The following KCNIP4 variants were observed in gnomAD, a reference collection of about 807,000 sequenced individuals.
KCNIP4 encodes the protein potassium voltage-gated channel interacting protein 4.
KCNIP4 carries 12 observed loss-of-function variants against 34.0 expected under a neutral mutation model. The observed-to-expected ratio is 0.35, with a 90% CI of 0.23 to 0.57. KCNIP4 has a LOEUF of 0.57. KCNIP4 is among the 20% of genes least tolerant of loss of function. The probability of loss-of-function intolerance (pLI) is 0.83; values close to 1 mark genes in which losing one functional copy is unlikely to be tolerated. For missense variants in KCNIP4, 238 were observed against 311.7 expected, an observed-to-expected ratio of 0.76 and a Z score of 1.78; for synonymous variants, 124 against 102.2, an observed-to-expected ratio of 1.21 and a Z score of -1.29.
At chr4:20,736,554 CT>C (rs1041885186) in intron 5 of KCNIP4, among the ~76,000 whole-genome samples, 5 of 152,104 alleles carry the variant, frequency 3.3e-5, no homozygotes, top group African/African-American at 1.2e-4. Flanking sequence ...TTAATTTTAC[CT>C]TTTTTTCTAA....
At chr4:20,736,201 T>C (rs967059400) in intron 5 of KCNIP4, among the ~76,000 whole-genome samples, 4 of 152,214 alleles carry the variant, frequency 2.6e-5, no homozygotes, top group South Asian at 2.1e-4. Flanking sequence ...TACACAAGTA[T>C]AAGATATATT....
chr4:20,819,834 C>T (rs1015702865), intron 3 of KCNIP4, among the ~76,000 whole-genome samples: 7 of 152,230 alleles, frequency 4.6e-5, no homozygotes, highest in Middle Eastern at 3.4e-3. Flanking sequence ...TCCAAAGTGC[C>T]GCCTTGGAAG....
At chr4:21,389,908 A>C (rs1722401899) in intron 1 of KCNIP4, among the ~76,000 whole-genome samples, 1 of 151,864 alleles carries the variant, frequency 6.6e-6, no homozygotes, top group Non-Finnish European at 1.5e-5. Context: ...ACTAGTTTAC[A>C]GTCCCCCCAA....
At chr4:20,881,217 A>T (rs1220049616) in intron 2 of KCNIP4, among the ~76,000 whole-genome samples, 1 of 152,212 alleles carries the variant, frequency 6.6e-6, no homozygotes, top group Non-Finnish European at 1.5e-5. Context: ...ATTGAAACAA[A>T]TTGCTATTCT....
chr4:20,871,606 C>T (rs2149510758), intron 2 of KCNIP4, among the ~76,000 whole-genome samples: 1 of 152,202 alleles, frequency 6.6e-6, no homozygotes, highest in East Asian at 1.9e-4. Context: ...ACAGAGCTTC[C>T]TGTTCATGGT....
At chr4:21,939,060 A>T (rs1020055722) in intron 1 of KCNIP4, among the ~76,000 whole-genome samples, 3 of 152,194 alleles carry the variant, frequency 2.0e-5, no homozygotes, top group African/African-American at 4.8e-5. Context: ...AACAGTAGTT[A>T]TGGAAGGCCA....
intron 3 of KCNIP4, among the ~76,000 whole-genome samples, chr4:20,823,257 C>T (rs996203438): frequency 1.3e-5 from 2 of 152,100 alleles, no homozygotes; most frequent in Admixed American, 6.6e-5. Context: ...GACAGGGCAT[C>T]AGAGTGGAAT....
rs140405257 is a variant in KCNIP4, at chr4:21,754,899, C to T, written c.61+193672G>A. On this transcript the variant is annotated intron_variant, in intron 1 of 8. Transcript: ENST00000382152. ...ACAGTGGCTCATATCTGTAATCCAG[C>T]ATTTTTGGAGGCCGAGGTGGGCGGA... Among the ~76,000 whole-genome samples the T allele has an allele frequency of 8.5e-3, 1,298 of 152,216 alleles. 9 individuals are homozygous for T. The highest frequency in any genetic ancestry group is 0.014 in the Non-Finnish European group (958 of 68,002).
chr4:20,799,251 A>G (rs1017131378), intron 3 of KCNIP4, among the ~76,000 whole-genome samples: 2 of 152,152 alleles, frequency 1.3e-5, no homozygotes, highest in Non-Finnish European at 2.9e-5. Flanking sequence ...TCTGCACACC[A>G]GAGCTATCAA....
chr4:20,794,908 T>G (rs1171389690), intron 3 of KCNIP4, among the ~76,000 whole-genome samples: 1 of 152,202 alleles, frequency 6.6e-6, no homozygotes. Flanking sequence ...GAAAAAGGTG[T>G]TAACAATTCT....
chr4:21,491,186 T>C (rs1732362970), intron 1 of KCNIP4, among the ~76,000 whole-genome samples: 1 of 152,070 alleles, frequency 6.6e-6, no homozygotes, highest in Non-Finnish European at 1.5e-5. Flanking sequence ...ACATCACAGG[T>C]ACCCTTGCAG....
At chr4:21,525,208 A>C (rs1378122536) in intron 1 of KCNIP4, among the ~76,000 whole-genome samples, 4 of 152,196 alleles carry the variant, frequency 2.6e-5, no homozygotes, top group African/African-American at 9.7e-5. Flanking sequence ...GTATATGGAA[A>C]AACACTTAGA....
intron 1 of KCNIP4, among the ~76,000 whole-genome samples, chr4:21,127,470 GT>G: frequency 6.6e-6 from 1 of 152,184 alleles, no homozygotes; most frequent in South Asian, 2.1e-4. Context: ...TGAAATTATT[GT>G]ATTTATTAAC....
intron 1 of KCNIP4, among the ~76,000 whole-genome samples, chr4:21,029,690 T>C (rs184787604): frequency 5.9e-5 from 9 of 152,308 alleles, no homozygotes; most frequent in Admixed American, 2.6e-4. Context: ...ACTACTTGAC[T>C]CTTTAAAAGA....
intron 1 of KCNIP4, among the ~76,000 whole-genome samples, chr4:21,877,147 G>A (rs889476106): frequency 6.6e-6 from 1 of 152,116 alleles, no homozygotes; most frequent in Non-Finnish European, 1.5e-5. Context: ...GAGGTAAAGA[G>A]TTCAAGAACA....
At chr4:21,467,084 ACAC>A (rs1730033049) in intron 1 of KCNIP4, among the ~76,000 whole-genome samples, 2 of 113,718 alleles carry the variant, frequency 1.8e-5, no homozygotes, top group African/African-American at 5.9e-5. Context: ...ACACACACAC[ACAC>A]ACACACACAC....
intron 1 of KCNIP4, among the ~76,000 whole-genome samples, chr4:20,972,634 T>C (rs1384181107): frequency 1.3e-5 from 2 of 152,128 alleles, no homozygotes; most frequent in Non-Finnish European, 2.9e-5. Context: ...ACAGGCAGAA[T>C]AGATTTAGTA....
chr4:20,760,222 T>G (rs1754839341), intron 3 of KCNIP4, among the ~76,000 whole-genome samples: 1 of 152,128 alleles, frequency 6.6e-6, no homozygotes, highest in South Asian at 2.1e-4. Flanking sequence ...CTGACTCTAG[T>G]TGTCACAGCA....
At chr4:21,001,022 AC>A (rs1324985062) in intron 1 of KCNIP4, among the ~76,000 whole-genome samples, 25 of 152,174 alleles carry the variant, frequency 1.6e-4, no homozygotes, top group Non-Finnish European at 1.0e-4. Context: ...TGTTTTTCCC[AC>A]TAGGCTCTAA....
Sources: allele counts gnomAD v4.1 joint callset (sites outside exome capture counted in the v4.1 genomes callset), GRCh38; gene constraint gnomAD v4.1.1; transcripts MANE v1.5; gene names NCBI Gene and HGNC (gene_info 2026-07-23, HGNC 2026-07-21).